Variants in IL1RAPL1 observed in about 807,000 individuals in gnomAD.
IL1RAPL1 encodes interleukin-1 receptor accessory protein-like 1.
A neutral mutation model predicts 48.4 loss-of-function variants in IL1RAPL1; 3 were observed. That is an observed-to-expected ratio of 0.06 (90% confidence interval 0.03 to 0.16). IL1RAPL1 has a LOEUF of 0.16. Among genes scored for constraint, IL1RAPL1 ranks in the 10% least tolerant of loss-of-function variants. The pLI, the probability that IL1RAPL1 is intolerant of heterozygous loss-of-function variation, is 1.00. For missense variants in IL1RAPL1, 349 were observed against 530.6 expected (o/e 0.66, Z 3.36); for synonymous variants, 185 against 187.7 (o/e 0.99, Z 0.12).
At chrX:28,922,984 A>G (rs1218868444) in intron 2 of IL1RAPL1, among the ~76,000 whole-genome samples, 1 of 112,073 alleles carries the variant, frequency 8.9e-6, no homozygotes. Context: ...ACTTGGGAGT[A>G]AATTTACTTT....
chrX:29,312,329 G>T (rs1017862289), intron 3 of IL1RAPL1, among the ~76,000 whole-genome samples: 4 of 111,164 alleles, frequency 3.6e-5, no homozygotes, highest in African/African-American at 1.3e-4. Context: ...GTGGGCTGAG[G>T]CAGGAGAATC....
At chrX:29,758,050 T>C (rs1928661901) in intron 6 of IL1RAPL1, among the ~76,000 whole-genome samples, 1 of 111,510 alleles carries the variant, frequency 9.0e-6, no homozygotes, top group Non-Finnish European at 1.9e-5. Context: ...ACCCCAATAA[T>C]GGATCCTATA....
chrX:29,010,805 C>G (rs1162736049), intron 2 of IL1RAPL1, among the ~76,000 whole-genome samples: 2 of 111,239 alleles, frequency 1.8e-5, no homozygotes, highest in African/African-American at 3.3e-5. Flanking sequence ...AGTTTTGTGA[C>G]TATGGGAAAC....
intron 1 of IL1RAPL1, among the ~76,000 whole-genome samples, chrX:28,702,835 A>G (rs1935316844): frequency 1.5e-5 from 1 of 67,200 alleles, no homozygotes; most frequent in Non-Finnish European, 2.6e-5. Flanking sequence ...TTTTACTTCC[A>G]TGTTGTGTTT....
At chrX:29,563,740 C>T (rs745659087) in intron 5 of IL1RAPL1, among the ~76,000 whole-genome samples, 1 of 111,875 alleles carries the variant, frequency 8.9e-6, no homozygotes, top group Non-Finnish European at 1.9e-5. Context: ...CACTTCTGAA[C>T]GGTCATCTTA....
At chrX:28,875,403 A>G (rs958240782) in intron 2 of IL1RAPL1, among the ~76,000 whole-genome samples, 2 of 112,578 alleles carry the variant, frequency 1.8e-5, no homozygotes, top group Non-Finnish European at 3.8e-5. Flanking sequence ...ATCAGTCAGA[A>G]TAGTCTAGGT....
intron 6 of IL1RAPL1, among the ~76,000 whole-genome samples, chrX:29,846,734 A>T (rs1931252881): frequency 9.4e-6 from 1 of 106,162 alleles, no homozygotes; most frequent in Non-Finnish European, 1.9e-5. Flanking sequence ...CATTAATCAA[A>T]GTAAAACTAA....
Position 29,393,373 on chromosome X carries a change from G to A in IL1RAPL1, c.363-2885G>A, listed in dbSNP as rs181201149. ...CCTGACCTCGTGATCCGCCCGCCTC[G>A]GCCTCCCAAAGTGCTGGGATTACAG... On this transcript the variant is annotated intron_variant, in intron 3 of 10. Coordinates refer to ENST00000378993, the MANE Select transcript of IL1RAPL1 (RefSeq NM_014271.4). Among the ~76,000 whole-genome samples, 179 of 111,749 alleles carry A rather than the reference G, an allele frequency of 1.6e-3. No homozygotes were observed. In the Middle Eastern group the frequency reaches 0.028, roughly 17 times the overall value.
intron 2 of IL1RAPL1, among the ~76,000 whole-genome samples, chrX:28,819,969 T>G (rs180866224): frequency 0.041 from 209 of 5,058 alleles, 4 homozygotes; most frequent in African/African-American, 0.29. Context: ...AACATAGTGA[T>G]ATATATATAT....
At chrX:28,614,225 A>G (rs1481337822) in intron 1 of IL1RAPL1, among the ~76,000 whole-genome samples, 1 of 111,745 alleles carries the variant, frequency 8.9e-6, no homozygotes, top group Non-Finnish European at 1.9e-5. Context: ...TTAAAGAAAT[A>G]TGAAATGCAT....
chrX:28,659,578 G>T (rs926939030), intron 1 of IL1RAPL1: 11 of 417,294 alleles, frequency 2.6e-5, no homozygotes, highest in Non-Finnish European at 4.3e-5. Flanking sequence ...TGGCGAGCTA[G>T]AGAGCGACGG....
chrX:29,056,722 A>G (rs1008583618), intron 2 of IL1RAPL1, among the ~76,000 whole-genome samples: 2 of 111,704 alleles, frequency 1.8e-5, no homozygotes, highest in Admixed American at 9.6e-5. Context: ...TGCTCTACCT[A>G]TCGACCTATC....
intron 2 of IL1RAPL1, among the ~76,000 whole-genome samples, chrX:28,911,752 T>G (rs1923366329): frequency 9.1e-6 from 1 of 110,262 alleles, no homozygotes; most frequent in Non-Finnish European, 1.9e-5. Context: ...ACTCAATAAA[T>G]GTTTGCTTGG....
chrX:28,885,866 T>C lies in IL1RAPL1; in HGVS notation c.82+96441T>C, dbSNP rs193247813. 4.0e-3 allele frequency among the ~76,000 whole-genome samples: 448 copies of C among 111,741 alleles called. 3 individuals are homozygous for C. Among genetic ancestry groups the C allele is most frequent in the African/African-American group, 0.014 (426 of 30,831 alleles). On this transcript the variant is annotated intron_variant, in intron 2 of 10. Coordinates refer to ENST00000378993, the MANE Select transcript of IL1RAPL1 (RefSeq NM_014271.4). ...ATGGATATATCTACAGATGTAGATA[T>C]AATAGATACAAACCAGTAAGAAAGG...
intron 1 of IL1RAPL1, among the ~76,000 whole-genome samples, chrX:28,670,218 A>G (rs1934934922): frequency 1.8e-5 from 2 of 111,713 alleles, no homozygotes; most frequent in Non-Finnish European, 3.8e-5. Flanking sequence ...TGCATCCCAG[A>G]ACTTTGTGTA....
chrX:29,466,107 G>GT (rs1357343353), intron 5 of IL1RAPL1, among the ~76,000 whole-genome samples: 2 of 112,122 alleles, frequency 1.8e-5, no homozygotes, highest in African/African-American at 3.2e-5. Flanking sequence ...TAAAAAGTAA[G>GT]TTTTTTTAAT....
chrX:29,714,516 T>TA (rs763992328), intron 6 of IL1RAPL1, among the ~76,000 whole-genome samples: 38 of 112,407 alleles, frequency 3.4e-4, no homozygotes, highest in African/African-American at 1.1e-3. Flanking sequence ...GCATACTTCT[T>TA]ACAGTTTGTG....
chrX:29,080,986 TTCTTTCTTTCTC>T (rs1199952896), intron 2 of IL1RAPL1, among the ~76,000 whole-genome samples: 16 of 39,046 alleles, frequency 4.1e-4, no homozygotes, highest in South Asian at 1.8e-3. Flanking sequence ...CTTTCTTTCT[TTCTTTCTTTCTC>T]TCTCTCTCTC....
intron 6 of IL1RAPL1, among the ~76,000 whole-genome samples, chrX:29,840,084 C>T (rs1260453492): frequency 8.9e-6 from 1 of 111,849 alleles, no homozygotes; most frequent in African/African-American, 3.3e-5. Flanking sequence ...TAGAAGAGGT[C>T]ATAACGGTTT....
Sources: gnomAD v4.1 joint callset for allele counts (sites outside exome capture counted in the v4.1 genomes callset) on GRCh38, gnomAD v4.1.1 for gene constraint, MANE v1.5 for transcripts, NCBI Gene and HGNC (gene_info 2026-07-23, HGNC 2026-07-21) for gene names.